The following ZC3H14 variants were observed in gnomAD, a reference collection of about 807,000 sequenced individuals.
The protein encoded by ZC3H14 is zinc finger CCCH-type containing 14, also known as zinc finger CCCH domain-containing protein 14.
A neutral mutation model predicts 92.4 loss-of-function variants in ZC3H14; 31 were observed. The observed-to-expected ratio is 0.34, with a 90% CI of 0.25 to 0.45. ZC3H14 has a LOEUF of 0.45. ZC3H14 is among the 20% of genes least tolerant of loss of function. The probability of loss-of-function intolerance (pLI) is 1.00; values close to 1 mark genes in which losing one functional copy is unlikely to be tolerated. For synonymous variants in ZC3H14, 321 were observed against 300.9 expected (o/e 1.07, Z -0.69); for missense variants, 781 against 897.3 (o/e 0.87, Z 1.66).
Position 88,624,865 on chromosome 14 carries a change from C to A in ZC3H14, c.*13114C>A. 6.5e-6 allele frequency: 8 copies of A among 1,225,090 alleles called. No homozygotes were observed. Among genetic ancestry groups the A allele is most frequent in the Non-Finnish European group, 9.0e-6 (8 of 893,782 alleles). The allele number at this position is 1,225,090 out of a possible 1,614,324, so 75.9% of individuals were successfully genotyped here. A position where few individuals can be genotyped will look rare whatever the true frequency, so the allele number is the denominator to read the frequency against. On this transcript the variant is annotated 3_prime_UTR_variant, in exon 17 of 17. Coordinates refer to ENST00000251038, the MANE Select transcript of ZC3H14 (RefSeq NM_024824.5). Reference sequence around the variant, plus strand: ...AGGAGAAGCATATGAGGAGGAAGGTCGGAGAGGACACTCTGTGTAGCCTAG... The same window carrying A: ...AGGAGAAGCATATGAGGAGGAAGGTAGGAGAGGACACTCTGTGTAGCCTAG...
At chr14:88,608,456 T>G (rs2085979887) in intron 13 of ZC3H14, 1 of 312,114 alleles carries the variant, frequency 3.2e-6, no homozygotes, top group Non-Finnish European at 6.4e-6. Context: ...TTTTTAGTTT[T>G]ATAACTAAAT....
At position 88,602,994 on chromosome 14, in the gene ZC3H14, C is replaced by T. The variant is rs763200377; in HGVS notation, c.1681C>T (p.Leu561Phe). The T allele has an allele frequency of 1.2e-6, 2 of 1,614,162 alleles. No individual in the cohort carries two copies. Among genetic ancestry groups the T allele is most frequent in the East Asian group, 4.5e-5 (2 of 44,878 alleles). ...CTCAAACAAGGGACTCAGAGGTCTC[C>T]TCCACCCACAGCAGTTGCACTTGCT... ...AASNKGLRGLLHPQQLHLLSR... is the reference protein window; with the variant it reads ...AASNKGLRGLFHPQQLHLLSR... Residue 561 changes from leucine (L) to phenylalanine (F), a missense_variant, in exon 12 of 17, where the codon CTC (leucine) becomes TTC (phenylalanine). Around this residue, in one of 3 missense-constraint regions of ZC3H14, gnomAD observed 221 missense variants for 304.7 expected, o/e 0.73. Coordinates refer to ENST00000251038, the MANE Select transcript of ZC3H14 (RefSeq NM_024824.5).
At chr14:88,598,944 C>G (rs1030716394) in intron 10 of ZC3H14, among the ~76,000 whole-genome samples, 4 of 152,192 alleles carry the variant, frequency 2.6e-5, no homozygotes, top group African/African-American at 9.6e-5. Flanking sequence ...AAAAATTAGC[C>G]AGGCGTGGTG....
intron 11 of ZC3H14, among the ~76,000 whole-genome samples, chr14:88,602,285 C>G (rs572531216): frequency 1.3e-5 from 2 of 152,152 alleles, no homozygotes; most frequent in African/African-American, 2.4e-5. Context: ...ATCCATTAAC[C>G]TACAAATTAC....
intron 7 of ZC3H14, among the ~76,000 whole-genome samples, chr14:88,575,512 A>G (rs978612294): frequency 1.3e-5 from 2 of 152,032 alleles, no homozygotes; most frequent in African/African-American, 4.8e-5. Flanking sequence ...GGGCGATGTA[A>G]TGAGTCTTTG....
intron 2 of ZC3H14, among the ~76,000 whole-genome samples, chr14:88,564,922 A>G (rs1229278830): frequency 6.6e-6 from 1 of 152,222 alleles, no homozygotes; most frequent in Admixed American, 6.5e-5. Context: ...TTTTAACTTC[A>G]AAGTACTGAC....
At chr14:88,594,751 T>A (rs1269426863) in intron 9 of ZC3H14, 1 of 1,614,068 alleles carries the variant, frequency 6.2e-7, no homozygotes. Context: ...AAAGTTTCCA[T>A]CACCACCTCT....
At position 88,610,843 on chromosome 14, in the gene ZC3H14, T is replaced by C; in HGVS notation, c.2107T>C (p.Phe703Leu). The change falls in exon 16 of 17, where the codon TTT becomes CTT. Residue 703 changes from phenylalanine to leucine, a missense_variant. Physicochemically the swap from Phe to Leu is conservative, Grantham distance 22. This residue lies in a region of ZC3H14 where 221 missense variants were observed against 304.7 expected (regional missense o/e 0.73). Coordinates refer to ENST00000251038, the MANE Select transcript of ZC3H14 (RefSeq NM_024824.5). Reference protein sequence around the residue: ...CPFYHPKHCRFNTQCTRPDCT... With the variant: ...CPFYHPKHCRLNTQCTRPDCT... ...TGTTATCTCTATTCAGCATTGTAGG[T>C]TTAACACTCAATGTACAAGACCGGA... The C allele has an allele frequency of 6.2e-7, 1 of 1,613,942 alleles. No homozygotes were observed.
In ZC3H14 at chr14:88,620,752, A is replaced by G; in HGVS notation, c.*9001A>G. 6.3e-7 allele frequency: 1 copy of G among 1,581,826 alleles called. No individual in the cohort carries two copies. The highest frequency in any genetic ancestry group is 8.6e-7 in the Non-Finnish European group (1 of 1,168,918). The stretch of plus-strand genomic sequence containing the variant: ...GAAACTCTATTCCATTTGTTCACTA[A>G]CCTGATATCATGGATTGCACATCTC... On this transcript the variant is annotated 3_prime_UTR_variant, in exon 17 of 17. Transcript: ENST00000251038. The surrounding 1 kb of genome is among the most constrained non-coding windows in gnomAD (Gnocchi z 4.3).
intron 9 of ZC3H14, among the ~76,000 whole-genome samples, chr14:88,579,169 C>T (rs1237463445): frequency 6.6e-6 from 1 of 152,082 alleles, no homozygotes; most frequent in African/African-American, 2.4e-5. Flanking sequence ...TCAAAACTGT[C>T]CTTTAAATTG....
rs2087559388 is a variant in ZC3H14 at position 88,616,057 on chromosome 14, A to G, written c.*4306A>G. 3 of 1,425,414 alleles carry G rather than the reference A, an allele frequency of 2.1e-6. No homozygotes were observed. The highest frequency in any genetic ancestry group is 3.0e-6 in the Non-Finnish European group (3 of 1,016,152). 88.3% of individuals were successfully genotyped at this position (1,425,414 alleles called of 1,614,324 possible). A position where few individuals can be genotyped will look rare whatever the true frequency, so the allele number is the denominator to read the frequency against. On this transcript the variant is annotated 3_prime_UTR_variant, in exon 17 of 17. Transcript: ENST00000251038. ...CTACTAATGTTGACTAGCTGATTTC[A>G]TAAACCAAAGCTGTAGGAGTTGTTG...
intron 8 of ZC3H14, among the ~76,000 whole-genome samples, chr14:88,576,522 G>A (rs1437413762): frequency 6.6e-6 from 1 of 152,230 alleles, no homozygotes; most frequent in Non-Finnish European, 1.5e-5. Flanking sequence ...TCAGCTGTAA[G>A]CTGGTCTTAC....
chr14:88,626,715 A>G lies in ZC3H14; in HGVS notation c.*14964A>G. ...TTTTGAAAGATGAAATATATGCTTG[A>G]CCAGGGCATGTAATGATTAGCAGAT... On this transcript the variant is annotated 3_prime_UTR_variant, in exon 17 of 17. Transcript: ENST00000251038. 2.1e-6 allele frequency: 2 copies of G among 946,330 alleles called. No individual in the cohort carries two copies. The highest frequency in any genetic ancestry group is 3.1e-6 in the Non-Finnish European group (2 of 637,082). The allele number at this position is 946,330 out of a possible 1,614,324, so 58.6% of individuals were successfully genotyped here.
At chr14:88,587,401 G>T (rs1238620972) in intron 9 of ZC3H14, among the ~76,000 whole-genome samples, 1 of 152,010 alleles carries the variant, frequency 6.6e-6, no homozygotes, top group Non-Finnish European at 1.5e-5. Context: ...CCTGAGCTCA[G>T]GCAGTCTGCC....
chr14:88,593,698 A>T (rs1375885166), intron 9 of ZC3H14, among the ~76,000 whole-genome samples: 1 of 152,194 alleles, frequency 6.6e-6, no homozygotes, highest in Non-Finnish European at 1.5e-5. Context: ...TTGGAACCTT[A>T]TCTTATGTCA....
intron 11 of ZC3H14, among the ~76,000 whole-genome samples, chr14:88,602,435 A>G (rs541539022): frequency 1.3e-5 from 2 of 152,218 alleles, no homozygotes; most frequent in African/African-American, 4.8e-5. Context: ...TTTTTCCCTT[A>G]GAAAATTGAC....
Position 88,621,675 on chromosome 14 carries a change from T to G in ZC3H14, c.*9924T>G. 3.6e-6 allele frequency: 1 copy of G among 278,018 alleles called. No individual in the cohort carries two copies. The allele number at this position is 278,018 out of a possible 1,614,324, so 17.2% of individuals were successfully genotyped here. A position where few individuals can be genotyped will look rare whatever the true frequency, so the allele number is the denominator to read the frequency against. On this transcript the variant is annotated 3_prime_UTR_variant, in exon 17 of 17. Coordinates refer to ENST00000251038, the MANE Select transcript of ZC3H14 (RefSeq NM_024824.5). ...TTTAGTTAAAAAGTAAAAGCTTAAC[T>G]ACAATTTAATATGCAGGCTGAAGAT...
chr14:88,599,835 CT>C (rs915346689), intron 10 of ZC3H14, among the ~76,000 whole-genome samples: 4 of 152,192 alleles, frequency 2.6e-5, no homozygotes, highest in African/African-American at 9.7e-5. Flanking sequence ...CCCTGGGCCA[CT>C]GTTGGGACCC....
rs2081114557 is a variant in ZC3H14 at position 88,576,027 on chromosome 14, A to C, written c.1123+87A>C. 8 of 1,189,710 alleles carry C rather than the reference A, an allele frequency of 6.7e-6. No individual in the cohort carries two copies. The South Asian group carries it at 9.0e-5, about 13-fold the overall frequency. 73.7% of individuals were successfully genotyped at this position (1,189,710 alleles called of 1,614,324 possible). ...AAAATGATTGCTCCTTAAATTGTAA[A>C]ATAAAGGTGCCTGTCAGATGTCAAG... On this transcript the variant is annotated intron_variant, in intron 8 of 16. Transcript: ENST00000251038.
Sources: allele counts gnomAD v4.1 joint callset (sites outside exome capture counted in the v4.1 genomes callset), GRCh38; gene constraint gnomAD v4.1.1; regional missense constraint gnomAD v4.1.1; non-coding constraint Gnocchi (gnomAD v3.1); transcripts MANE v1.5; gene names NCBI Gene and HGNC (gene_info 2026-07-23, HGNC 2026-07-21).